The following CHCHD3 variants were observed in gnomAD, a reference collection of about 807,000 sequenced individuals.
The protein encoded by CHCHD3 is MICOS complex subunit MIC19.
CHCHD3 carries 20 observed loss-of-function variants against 38.2 expected under a neutral mutation model. That is an observed-to-expected ratio of 0.52 (90% confidence interval 0.37 to 0.76). CHCHD3 has a LOEUF of 0.76. CHCHD3 is among the 30% of genes least tolerant of loss of function. CHCHD3 has a pLI of 0.00. For synonymous variants in CHCHD3, 82 were observed against 100.0 expected, an observed-to-expected ratio of 0.82 and a Z score of 1.07; for missense variants, 245 against 279.2, an observed-to-expected ratio of 0.88 and a Z score of 0.87.
At chr7:133,030,352 T>A (rs561760857) in intron 2 of CHCHD3, among the ~76,000 whole-genome samples, 1 of 152,194 alleles carries the variant, frequency 6.6e-6, no homozygotes, top group African/African-American at 2.4e-5. Flanking sequence ...CTGAAAACAC[T>A]CTTTTCAGCT....
chr7:132,914,794 G>A (rs1330963298), intron 4 of CHCHD3, among the ~76,000 whole-genome samples: 3 of 152,022 alleles, frequency 2.0e-5, no homozygotes, highest in East Asian at 1.9e-4. Flanking sequence ...TCAGATTACC[G>A]AAACACAACA....
At chr7:132,856,798 C>T (rs1032129909) in intron 5 of CHCHD3, among the ~76,000 whole-genome samples, 9 of 152,214 alleles carry the variant, frequency 5.9e-5, no homozygotes, top group Non-Finnish European at 1.2e-4. Context: ...ACTCATTACA[C>T]GCCTCCTCCT....
At chr7:133,022,232 C>T (rs191522989) in intron 3 of CHCHD3, among the ~76,000 whole-genome samples, 100 of 152,224 alleles carry the variant, frequency 6.6e-4, no homozygotes, top group African/African-American at 2.3e-3. Flanking sequence ...TACGTAGATG[C>T]GTATGTCCAG....
chr7:133,012,079 G>A (rs895331675), intron 3 of CHCHD3, among the ~76,000 whole-genome samples: 8 of 152,154 alleles, frequency 5.3e-5, no homozygotes, highest in African/African-American at 1.7e-4. Context: ...TTTTCTGTTA[G>A]ACTAGCATTA....
At chr7:133,021,815 G>A (rs180896793) in intron 3 of CHCHD3, among the ~76,000 whole-genome samples, 7 of 152,046 alleles carry the variant, frequency 4.6e-5, no homozygotes, top group Non-Finnish European at 7.3e-5. Flanking sequence ...TGCCAGGCAC[G>A]GTGGCTCATG....
chr7:133,048,821 C>A (rs1036937394), intron 2 of CHCHD3, among the ~76,000 whole-genome samples: 5 of 152,170 alleles, frequency 3.3e-5, no homozygotes, highest in Non-Finnish European at 7.3e-5. Flanking sequence ...GCAAGCACTT[C>A]GGGGTGTGTG....
intron 3 of CHCHD3, among the ~76,000 whole-genome samples, chr7:133,008,726 A>C (rs1812774262): frequency 6.6e-6 from 1 of 152,182 alleles, no homozygotes; most frequent in Non-Finnish European, 1.5e-5. Flanking sequence ...AAAGAGAATC[A>C]ATAGGAGGCT....
chr7:133,077,617 G>A (rs1815041349), intron 1 of CHCHD3, among the ~76,000 whole-genome samples: 1 of 152,214 alleles, frequency 6.6e-6, no homozygotes, highest in African/African-American at 2.4e-5. Flanking sequence ...ATAAACTTGC[G>A]AAAGATAGAG....
At chr7:132,888,482 TATA>T (rs1365233897) in intron 4 of CHCHD3, among the ~76,000 whole-genome samples, 2 of 151,902 alleles carry the variant, frequency 1.3e-5, no homozygotes, top group Non-Finnish European at 1.5e-5. Context: ...TACTAAAATT[TATA>T]ATAATAACTA....
At chr7:132,945,729 T>C (rs922393206) in intron 4 of CHCHD3, among the ~76,000 whole-genome samples, 5 of 151,984 alleles carry the variant, frequency 3.3e-5, no homozygotes, top group African/African-American at 1.2e-4. Flanking sequence ...GATACTTAGA[T>C]AAATCTTGAA....
intron 4 of CHCHD3, among the ~76,000 whole-genome samples, chr7:132,887,868 T>G (rs1809256156): frequency 6.6e-6 from 1 of 151,884 alleles, no homozygotes; most frequent in Non-Finnish European, 1.5e-5. Context: ...TATACCCATT[T>G]TATAAATCAA....
intron 2 of CHCHD3, among the ~76,000 whole-genome samples, chr7:133,043,595 G>A (rs1402766989): frequency 6.6e-6 from 1 of 150,790 alleles, no homozygotes; most frequent in African/African-American, 2.4e-5. Context: ...GCAGTGAGCC[G>A]AGATAGCGCC....
intron 6 of CHCHD3, among the ~76,000 whole-genome samples, chr7:132,812,197 T>G (rs1230215756): frequency 1.4e-5 from 1 of 72,490 alleles, no homozygotes; most frequent in Non-Finnish European, 2.6e-5. Context: ...CTTTTTTTCT[T>G]TTCTTTTTTT....
intron 5 of CHCHD3, among the ~76,000 whole-genome samples, chr7:132,865,607 G>T (rs1020792490): frequency 6.6e-6 from 1 of 152,128 alleles, no homozygotes; most frequent in African/African-American, 2.4e-5. Context: ...TACTGCTTGA[G>T]ACCATCATTA....
At chr7:133,050,578 A>G (rs1814134633) in intron 2 of CHCHD3, among the ~76,000 whole-genome samples, 2 of 152,152 alleles carry the variant, frequency 1.3e-5, no homozygotes, top group Admixed American at 1.3e-4. Context: ...ATTGCTACCA[A>G]TTCATTTCAC....
At chr7:132,970,516 C>T (rs1362535012) in intron 4 of CHCHD3, among the ~76,000 whole-genome samples, 1 of 152,124 alleles carries the variant, frequency 6.6e-6, no homozygotes, top group East Asian at 1.9e-4. Context: ...AGTGGGAATC[C>T]TCACAAGACT....
intron 6 of CHCHD3, among the ~76,000 whole-genome samples, chr7:132,820,468 C>T (rs746996678): frequency 5.3e-5 from 8 of 152,142 alleles, no homozygotes; most frequent in African/African-American, 1.9e-4. Flanking sequence ...CTATGGCTTC[C>T]GCATCCCTTT....
Position 133,070,223 on chromosome 7 carries a change from C to T in CHCHD3, c.88G>A (p.Glu30Lys), listed in dbSNP as rs763277412. 15 of 1,613,082 alleles carry T rather than the reference C, an allele frequency of 9.3e-6. No individual in the cohort carries two copies. The highest frequency in any genetic ancestry group is 2.7e-5 in the African/African-American group (2 of 74,876). The change falls in exon 2 of 8, where the codon GAA (glutamate) becomes AAA (lysine). Residue 30 changes from glutamate to lysine, a missense_variant. Coordinates refer to ENST00000262570, the MANE Select transcript of CHCHD3 (RefSeq NM_017812.4). ...ITVVKGIRLS[E>K]NVIDRMKESS... ...TCCTTCATTCGATCAATCACATTTT[C>T]CGAAAGCTGGAAAAGCAACATCAAA...
At position 132,821,467 on chromosome 7, in the gene CHCHD3, AT is replaced by A. The variant is rs1040950792; in HGVS notation, c.524+16931del. ...ATACTTATTATTTCATTGTACCTAT[AT>A]TGACATTATGGCGTGGAAAAATGAA... On this transcript the variant is annotated intron_variant, in intron 6 of 7. Coordinates refer to ENST00000262570, the MANE Select transcript of CHCHD3 (RefSeq NM_017812.4). Among the ~76,000 whole-genome samples, 181 of 152,306 alleles carry A rather than the reference AT, an allele frequency of 1.2e-3. 6 individuals carry two copies. The highest frequency in any genetic ancestry group is 0.012 in the Admixed American group (181 of 15,302).
Sources: allele counts gnomAD v4.1 joint callset (sites outside exome capture counted in the v4.1 genomes callset), GRCh38; gene constraint gnomAD v4.1.1; transcripts MANE v1.5; gene names NCBI Gene and HGNC (gene_info 2026-07-23, HGNC 2026-07-21).